ADD2: variants seen among roughly 807,000 people sequenced by gnomAD.
The protein encoded by ADD2 is adducin 2, also known as beta-adducin.
In ADD2, 23 loss-of-function variants were observed where a neutral mutation model predicts 83.0. The observed-to-expected ratio is 0.28, with a 90% CI of 0.20 to 0.39. The LOEUF (loss-of-function observed/expected upper bound fraction) is 0.39, where lower values mean the gene tolerates loss of function less well. ADD2 is among the 10% of genes least tolerant of loss of function. The probability of loss-of-function intolerance (pLI) is 1.00; values close to 1 mark genes in which losing one functional copy is unlikely to be tolerated. For synonymous variants in ADD2, 375 were observed against 375.4 expected (o/e 1.00, Z 0.01); for missense variants, 758 against 944.9 (o/e 0.80, Z 2.59).
chr2:70,719,965 G>A (rs1388858494), intron 1 of ADD2, among the ~76,000 whole-genome samples: 1 of 152,048 alleles, frequency 6.6e-6, no homozygotes, highest in Non-Finnish European at 1.5e-5. Context: ...CCCCCACCAA[G>A]AAATCAAGGA....
chr2:70,663,691 G>T lies in ADD2; in HGVS notation c.1915C>A (p.Pro639Thr). ...ACCCCTTCCGGCTGGGTTGTTTCGG[G>T]CTCTGTGGTGGCGGCTTTGCTTGTT... ...TETSKAATTE[P>T]ETTQPEGVVV... The change falls in exon 16 of 16, where the codon CCC (proline) becomes ACC (threonine). Residue 639 changes from proline to threonine, a missense_variant. Around this residue, in one of 5 missense-constraint regions of ADD2, gnomAD observed 165 missense variants for 176.2 expected, o/e 0.94. Coordinates refer to ENST00000264436, the MANE Select transcript of ADD2 (RefSeq NM_001617.4). The T allele has an allele frequency of 4.3e-6, 7 of 1,614,080 alleles. No individual in the cohort carries two copies. The highest frequency in any genetic ancestry group is 5.9e-6 in the Non-Finnish European group (7 of 1,180,024).
At chr2:70,700,020 T>C (rs1393448786) in intron 4 of ADD2, among the ~76,000 whole-genome samples, 1 of 152,228 alleles carries the variant, frequency 6.6e-6, no homozygotes, top group South Asian at 2.1e-4. Flanking sequence ...GTCATGCTTA[T>C]GCCGTGAATA....
rs1553364382 is a variant in ADD2, at chr2:70,657,954, TC to T, written c.*5470del. On this transcript the variant is annotated 3_prime_UTR_variant, in exon 16 of 16. Coordinates refer to ENST00000264436, the MANE Select transcript of ADD2 (RefSeq NM_001617.4). ...TCCCTGCACCAATAATGATCATTTC[TC>T]CCCCATCTGCAGGCCCCAATTTCCC... is the stretch of plus-strand genomic sequence containing the variant. 1.3e-5 allele frequency: 2 copies of T among 152,012 alleles called. No individual in the cohort carries two copies. Among genetic ancestry groups the T allele is most frequent in the Non-Finnish European group, 2.9e-5 (2 of 68,002 alleles). The allele number at this position is 152,012 out of a possible 1,614,324, so 9.4% of individuals were successfully genotyped here.
intron 10 of ADD2, 66 bp from the exon 11 acceptor site, chr2:70,679,027 C>T: frequency 6.7e-7 from 1 of 1,502,696 alleles, no homozygotes; most frequent in Non-Finnish European, 8.9e-7. Context: ...CACATACATG[C>T]ACACACACCT....
chr2:70,754,392 T>A (rs773661094), intron 1 of ADD2, among the ~76,000 whole-genome samples: 1 of 151,948 alleles, frequency 6.6e-6, no homozygotes, highest in Non-Finnish European at 1.5e-5. Flanking sequence ...CCCACAGCAC[T>A]CTCTTCCACA....
chr2:70,718,737 T>C (rs1308434248), intron 1 of ADD2, among the ~76,000 whole-genome samples: 3 of 152,210 alleles, frequency 2.0e-5, no homozygotes, highest in African/African-American at 7.2e-5. Context: ...CCTGGGTGAC[T>C]TGATTCAGGC....
At chr2:70,718,727 C>A (rs1553376843) in intron 1 of ADD2, among the ~76,000 whole-genome samples, 1 of 152,184 alleles carries the variant, frequency 6.6e-6, no homozygotes, top group Admixed American at 6.5e-5. Context: ...GCTGCAGGAA[C>A]CTGGGTGACT....
intron 8 of ADD2, 59 bp from the exon 9 acceptor site, chr2:70,688,181 G>A: frequency 7.0e-7 from 1 of 1,428,174 alleles, no homozygotes. Flanking sequence ...AGTTAAGAGG[G>A]AGAGGTTTTC....
intron 1 of ADD2, among the ~76,000 whole-genome samples, chr2:70,761,145 C>A (rs1019328341): frequency 5.9e-5 from 9 of 151,326 alleles, no homozygotes; most frequent in African/African-American, 2.2e-4. Flanking sequence ...ACCTATGTAA[C>A]TCTCAGTCTA....
At chr2:70,748,791 G>A (rs1674364179) in intron 1 of ADD2, among the ~76,000 whole-genome samples, 1 of 152,234 alleles carries the variant, frequency 6.6e-6, no homozygotes, top group Non-Finnish European at 1.5e-5. Context: ...GAGGTTTGTA[G>A]AGAGGTAAGT....
intron 1 of ADD2, among the ~76,000 whole-genome samples, chr2:70,730,615 T>C (rs1673233032): frequency 6.6e-6 from 1 of 152,238 alleles, no homozygotes; most frequent in South Asian, 2.1e-4. Context: ...AGTTCAATCA[T>C]TTGAAGATTG....
intron 1 of ADD2, chr2:70,767,651 G>T (rs1334328889): frequency 1.1e-5 from 15 of 1,336,028 alleles, no homozygotes; most frequent in Non-Finnish European, 1.4e-5. Flanking sequence ...CCCCAAGCAG[G>T]GGCCAGTGCT....
chr2:70,676,539 G>T lies in ADD2; in HGVS notation c.1593+257C>A. Reference sequence around the variant, plus strand: ...TTCCATGGCAGGAGGTACGGAAGCCGGCCGCATCACTCCTGCAGGCAGGCT... The same window carrying T: ...TTCCATGGCAGGAGGTACGGAAGCCTGCCGCATCACTCCTGCAGGCAGGCT... On this transcript the variant is annotated intron_variant, in intron 13 of 15. Transcript: ENST00000264436. This position sits in a 1 kb window ranked among gnomAD's most constrained non-coding sequence, Gnocchi z 4.8. 1 of 1,388,252 alleles carries T rather than the reference G, an allele frequency of 7.2e-7. No individual in the cohort carries two copies. The highest frequency in any genetic ancestry group is 9.4e-7 in the Non-Finnish European group (1 of 1,065,872). The allele number at this position is 1,388,252 out of a possible 1,614,324, so 86.0% of individuals were successfully genotyped here.
At chr2:70,681,049 C>A (rs567089210) in intron 10 of ADD2, among the ~76,000 whole-genome samples, 1 of 152,218 alleles carries the variant, frequency 6.6e-6, no homozygotes, top group Non-Finnish European at 1.5e-5. Context: ...AGGAAAGGGG[C>A]CTGAATTTTA....
rs1675512903 is a variant in ADD2, at chr2:70,768,186, C to A, written c.-454G>T. ...AATTAAAGCCATTTCCCGCACGAGG[C>A]TGGGAGGAAATGAGAGCTCTCCTGG... On this transcript the variant is annotated 5_prime_UTR_variant, in exon 1 of 16. Coordinates refer to ENST00000264436, the MANE Select transcript of ADD2 (RefSeq NM_001617.4). 1.7e-6 allele frequency: 1 copy of A among 584,434 alleles called. No individual in the cohort carries two copies. The highest frequency in any genetic ancestry group is 1.9e-5 in the African/African-American group (1 of 53,006). 36.2% of individuals were successfully genotyped at this position (584,434 alleles called of 1,614,324 possible).
chr2:70,711,191 G>A (rs1345272856), intron 2 of ADD2: 1 of 152,136 alleles, frequency 6.6e-6, no homozygotes, highest in Non-Finnish European at 1.5e-5. Context: ...ATATAAGAAA[G>A]ACTATATGTC....
chr2:70,674,146 G>T (rs1553367727), intron 14 of ADD2, among the ~76,000 whole-genome samples: 1 of 152,156 alleles, frequency 6.6e-6, no homozygotes. Flanking sequence ...AGCCGGGACT[G>T]ATCAGGCTAG....
chr2:70,757,239 G>T (rs1553384022), intron 1 of ADD2, among the ~76,000 whole-genome samples: 1 of 150,342 alleles, frequency 6.7e-6, no homozygotes, highest in Non-Finnish European at 1.5e-5. Flanking sequence ...ATCTACAGCA[G>T]AACAAAAAAA....
chr2:70,732,550 C>T (rs782039038), intron 1 of ADD2, among the ~76,000 whole-genome samples: 18 of 152,176 alleles, frequency 1.2e-4, no homozygotes, highest in African/African-American at 4.1e-4. Flanking sequence ...GGACAGACTA[C>T]GAGACCAGGG....
Sources: gnomAD v4.1 joint callset for allele counts (sites outside exome capture counted in the v4.1 genomes callset) on GRCh38, gnomAD v4.1.1 for gene constraint, gnomAD v4.1.1 regional missense constraint, Gnocchi (gnomAD v3.1) non-coding constraint, MANE v1.5 for transcripts, NCBI Gene and HGNC (gene_info 2026-07-23, HGNC 2026-07-21) for gene names.